NEDD4: variants seen among roughly 807,000 people sequenced by gnomAD.
NEDD4 encodes E3 ubiquitin-protein ligase NEDD4.
In NEDD4, 99 loss-of-function variants were observed where a neutral mutation model predicts 144.9. The observed-to-expected ratio is 0.68, with a 90% confidence interval of 0.58 to 0.81. NEDD4 has a LOEUF of 0.81. Ranked by LOEUF, NEDD4 falls within the 30% of genes least tolerant of loss-of-function variation. The pLI, the probability that NEDD4 is intolerant of heterozygous loss-of-function variation, is 0.00. For missense variants in NEDD4, 985 were observed against 1,065.9 expected, an observed-to-expected ratio of 0.92 and a Z score of 1.06; for synonymous variants, 318 against 350.6, an observed-to-expected ratio of 0.91 and a Z score of 1.04.
intron 18 of NEDD4, among the ~76,000 whole-genome samples, chr15:55,846,135 G>T (rs2033732309): frequency 6.6e-6 from 1 of 152,006 alleles, no homozygotes; most frequent in East Asian, 1.9e-4. Context: ...GATATTTAAG[G>T]ATTTTATTAG....
chr15:55,979,771 ATCT>A (rs2037768690), intron 1 of NEDD4, among the ~76,000 whole-genome samples: 1 of 152,178 alleles, frequency 6.6e-6, no homozygotes, highest in South Asian at 2.1e-4. Context: ...GATGAAATTA[ATCT>A]TCTCATTGTC....
At chr15:55,937,086 C>A (rs1329984275) in intron 4 of NEDD4, among the ~76,000 whole-genome samples, 1 of 152,182 alleles carries the variant, frequency 6.6e-6, no homozygotes, top group East Asian at 1.9e-4. Flanking sequence ...AGCCACCGTG[C>A]CTGGCCATAA....
At chr15:55,911,299 A>G (rs564092114) in intron 5 of NEDD4, among the ~76,000 whole-genome samples, 1 of 152,098 alleles carries the variant, frequency 6.6e-6, no homozygotes, top group African/African-American at 2.4e-5. Flanking sequence ...CCCCCACTAC[A>G]AAAGTGTCCA....
intron 5 of NEDD4, chr15:55,916,162 AAGG>A (rs762594441): frequency 4.3e-6 from 7 of 1,613,858 alleles, no homozygotes; most frequent in East Asian, 4.5e-5. Flanking sequence ...AAAATTTCAC[AAGG>A]AGTAGTATTC....
intron 13 of NEDD4, among the ~76,000 whole-genome samples, chr15:55,851,151 A>G (rs1231826587): frequency 6.6e-6 from 1 of 152,142 alleles, no homozygotes; most frequent in African/African-American, 2.4e-5. Flanking sequence ...AACTCACAGG[A>G]TGGGGAATTC....
chr15:55,962,004 G>A (rs1201766180), intron 2 of NEDD4, among the ~76,000 whole-genome samples: 2 of 152,002 alleles, frequency 1.3e-5, no homozygotes, highest in African/African-American at 2.4e-5. Flanking sequence ...CAACTATGAC[G>A]GTGGGAGTTT....
At chr15:55,833,442 G>C (rs1230604187) in intron 26 of NEDD4, among the ~76,000 whole-genome samples, 1 of 152,030 alleles carries the variant, frequency 6.6e-6, no homozygotes, top group African/African-American at 2.4e-5. Context: ...TGGATCACTT[G>C]AGGTCAGGAG....
intron 1 of NEDD4, among the ~76,000 whole-genome samples, chr15:55,985,396 C>G (rs1595890337): frequency 6.6e-6 from 1 of 152,092 alleles, no homozygotes; most frequent in African/African-American, 2.4e-5. Context: ...CAGAAGGGTG[C>G]CCACTGGCAA....
At chr15:55,970,892 C>T (rs987232130) in intron 1 of NEDD4, among the ~76,000 whole-genome samples, 1 of 152,112 alleles carries the variant, frequency 6.6e-6, no homozygotes, top group East Asian at 1.9e-4. Context: ...AGTGAACATC[C>T]ACAAGCATCA....
chr15:55,923,914 A>G (rs2142232359), intron 5 of NEDD4, among the ~76,000 whole-genome samples: 1 of 152,184 alleles, frequency 6.6e-6, no homozygotes, highest in East Asian at 1.9e-4. Context: ...GTAACTGATA[A>G]GCTTTGCACA....
chr15:55,904,804 G>A (rs10518827), intron 5 of NEDD4, among the ~76,000 whole-genome samples: 15,436 of 152,064 alleles, frequency 0.1, 885 homozygotes, highest in Admixed American at 0.15. Context: ...TCAGACCAGA[G>A]GTATGAAAAT....
chr15:55,857,482 C>A (rs1428050574), intron 11 of NEDD4, among the ~76,000 whole-genome samples: 1 of 152,154 alleles, frequency 6.6e-6, no homozygotes, highest in African/African-American at 2.4e-5. Context: ...ACACACGCCA[C>A]TGCACTCGGC....
rs763061214 is a variant in NEDD4, at chr15:55,993,577, C to A, written c.-22G>T. ...CCATTTCCGAACGCTTCCAGCAAACCGGACGCGCTCGCCCCCGCCCAGGGC... is the reference window on the plus strand; with the variant it reads ...CCATTTCCGAACGCTTCCAGCAAACAGGACGCGCTCGCCCCCGCCCAGGGC... On this transcript the variant is annotated 5_prime_UTR_variant, in exon 1 of 29. Coordinates refer to ENST00000435532, the MANE Select transcript of NEDD4 (RefSeq NM_006154.4). 1.1e-5 allele frequency: 17 copies of A among 1,590,060 alleles called. No homozygotes were observed. The Admixed American group carries it at 1.2e-4, about 11-fold the overall frequency.
At chr15:55,975,265 G>C (rs1322648792) in intron 1 of NEDD4, among the ~76,000 whole-genome samples, 1 of 151,952 alleles carries the variant, frequency 6.6e-6, no homozygotes, top group Non-Finnish European at 1.5e-5. Flanking sequence ...GAAAAAGAAA[G>C]GGAAGCTAAA....
chr15:55,850,808 A>G, intron 13 of NEDD4, 66 bp from the exon 14 acceptor site: 2 of 1,428,596 alleles, frequency 1.4e-6, no homozygotes, highest in Non-Finnish European at 1.9e-6. Flanking sequence ...ATGTAGTTAA[A>G]AAGGTAACTT....
intron 7 of NEDD4, among the ~76,000 whole-genome samples, chr15:55,870,572 C>T (rs1336744396): frequency 6.8e-6 from 1 of 146,692 alleles, no homozygotes; most frequent in African/African-American, 2.5e-5. Flanking sequence ...CTCCCTCTGT[C>T]GCCCAGGATG....
chr15:55,930,224 T>C (rs1208289731), intron 4 of NEDD4, among the ~76,000 whole-genome samples: 3 of 152,214 alleles, frequency 2.0e-5, no homozygotes, highest in Non-Finnish European at 4.4e-5. Flanking sequence ...TATAAATACC[T>C]ACACCATAGC....
intron 24 of NEDD4, among the ~76,000 whole-genome samples, chr15:55,836,229 A>C (rs1379166637): frequency 6.6e-6 from 1 of 150,732 alleles, no homozygotes; most frequent in Non-Finnish European, 1.5e-5. Context: ...TGTTCATTTC[A>C]CTCTTTACAT....
chr15:55,978,943 A>G (rs2037749823), intron 1 of NEDD4, among the ~76,000 whole-genome samples: 1 of 151,252 alleles, frequency 6.6e-6, no homozygotes, highest in Non-Finnish European at 1.5e-5. Context: ...AAAAAACAAG[A>G]ACAGAAAACA....
Sources: allele counts gnomAD v4.1 joint callset (sites outside exome capture counted in the v4.1 genomes callset), GRCh38; gene constraint gnomAD v4.1.1; transcripts MANE v1.5; gene names NCBI Gene and HGNC (gene_info 2026-07-23, HGNC 2026-07-21).